The following C16orf89 variants were observed in gnomAD, a reference collection of about 807,000 sequenced individuals.
C16orf89 encodes UPF0764 protein C16orf89.
C16orf89 carries 57 observed loss-of-function variants against 41.5 expected under a neutral mutation model. The observed-to-expected ratio is 1.38, with a 90% confidence interval of 1.11 to 1.71. The LOEUF is 1.71. Among genes scored for constraint, C16orf89 ranks in the 40% most tolerant of loss-of-function variants. The probability of loss-of-function intolerance (pLI) is 0.00; values close to 1 mark genes in which losing one functional copy is unlikely to be tolerated. For synonymous variants in C16orf89, 223 were observed against 190.6 expected, an observed-to-expected ratio of 1.17 and a Z score of -1.40; for missense variants, 575 against 445.9, an observed-to-expected ratio of 1.29 and a Z score of -2.61.
intron 3 of C16orf89, 88 bp from the exon 4 acceptor site, chr16:5,058,698 TC>T: frequency 1.9e-6 from 2 of 1,071,218 alleles, no homozygotes; most frequent in Non-Finnish European, 1.3e-6. Context: ...TTGTTGGAAC[TC>T]CCAGTAGATT....
Position 5,055,310 on chromosome 16 carries a change from C to A in C16orf89, c.804G>T (p.Lys268Asn). 6.2e-7 allele frequency: 1 copy of A among 1,613,518 alleles called. No homozygotes were observed. The highest frequency in any genetic ancestry group is 8.5e-7 in the Non-Finnish European group (1 of 1,179,762). ...CGMGGFSDFY[K>N]LRWLEAILSW... ...TGAGAATGGCCTCCAGCCACCGGAG[C>A]TTGTAGAAGTCGGAGAAGCCGCCCA... Residue 268 changes from lysine to asparagine, a missense_variant, in exon 6 of 8, where the codon AAG becomes AAT. Lys to Asn is a moderately conservative substitution (Grantham distance 94). Coordinates refer to ENST00000472572, the MANE Select transcript of C16orf89 (RefSeq NM_001098514.3).
intron 4 of C16orf89, among the ~76,000 whole-genome samples, chr16:5,057,095 G>A (rs1207629527): frequency 1.3e-5 from 2 of 151,746 alleles, no homozygotes; most frequent in African/African-American, 4.8e-5. Flanking sequence ...AAAATTAGCT[G>A]GGCATAGTGG....
intron 3 of C16orf89, 36 bp downstream of exon 3, chr16:5,060,250 T>G (rs762791849): frequency 6.3e-7 from 1 of 1,575,126 alleles, no homozygotes; most frequent in South Asian, 1.2e-5. Flanking sequence ...CTAGTGCGTT[T>G]GGGTTTCCAG....
intron 7 of C16orf89, among the ~76,000 whole-genome samples, chr16:5,046,460 T>C (rs555714270): frequency 6.6e-6 from 1 of 151,850 alleles, no homozygotes; most frequent in Admixed American, 6.6e-5. Context: ...CAAGCAGATC[T>C]CCTGTCTCAG....
chr16:5,060,495 C>T (rs955253088), intron 2 of C16orf89, 59 bp from the exon 3 acceptor site: 12 of 1,520,286 alleles, frequency 7.9e-6, no homozygotes, highest in Admixed American at 1.8e-5. Flanking sequence ...AGCAGTGGGC[C>T]ACCCTGGTGT....
Position 5,044,448 on chromosome 16 carries a change from G to C in C16orf89, c.986C>G (p.Ala329Gly), listed in dbSNP as rs966283326. ...TAGGAAGCCACCCAGGGCTGCCACT[G>C]CTGTGGCTGTGTTGTGGGAGGAGCA... The part of the protein sequence containing the change: ...DGCSSHNTAT[A>G]VAALGGFLYI... Residue 329 changes from alanine to glycine, a missense_variant, in exon 8 of 8, where the codon GCA becomes GGA. By Grantham distance (60) the Ala-to-Gly change is moderately conservative. Transcript: ENST00000472572. 5 of 1,612,938 alleles carry C rather than the reference G, an allele frequency of 3.1e-6. No individual in the cohort carries two copies. Among genetic ancestry groups the C allele is most frequent in the Non-Finnish European group, 4.2e-6 (5 of 1,179,520 alleles).
intron 7 of C16orf89, among the ~76,000 whole-genome samples, chr16:5,046,189 C>G (rs372638214): frequency 6.6e-6 from 1 of 152,126 alleles, no homozygotes; most frequent in African/African-American, 2.4e-5. Flanking sequence ...CTCCTGTCCA[C>G]CTGTAGGTGG....
intron 1 of C16orf89, among the ~76,000 whole-genome samples, chr16:5,064,375 C>T (rs552400325): frequency 7.9e-5 from 12 of 152,168 alleles, no homozygotes; most frequent in Non-Finnish European, 1.5e-4. Context: ...ATGCTCAATG[C>T]TTTGATAGAT....
intron 3 of C16orf89, among the ~76,000 whole-genome samples, chr16:5,059,742 G>C (rs1956577752): frequency 6.6e-6 from 1 of 152,146 alleles, no homozygotes; most frequent in Admixed American, 6.5e-5. Flanking sequence ...TGGGGATGGG[G>C]ACAGGCTCAT....
intron 1 of C16orf89, among the ~76,000 whole-genome samples, chr16:5,065,124 G>A (rs557920711): frequency 7.9e-5 from 12 of 152,158 alleles, no homozygotes; most frequent in South Asian, 2.1e-4. Flanking sequence ...GTGTGTGTGC[G>A]TGCGTGCATG....
At position 5,054,680 on chromosome 16, in the gene C16orf89, C is replaced by G. The variant is rs570523417; in HGVS notation, c.868+566G>C. Reference sequence around the variant, plus strand: ...ACCCAAGTCTCATCTTGAATTGTAGCTCCCATAATTTCCATGTGCTGTGGG... The same window carrying G: ...ACCCAAGTCTCATCTTGAATTGTAGGTCCCATAATTTCCATGTGCTGTGGG... On this transcript the variant is annotated intron_variant, in intron 6 of 7. Coordinates refer to ENST00000472572, the MANE Select transcript of C16orf89 (RefSeq NM_001098514.3). 3.9e-5 allele frequency among the ~76,000 whole-genome samples: 6 copies of G among 152,268 alleles called. No homozygotes were observed. In the East Asian group the frequency reaches 1.2e-3, roughly 29 times the overall value.
intron 7 of C16orf89, among the ~76,000 whole-genome samples, chr16:5,045,159 G>A (rs1254186861): frequency 6.6e-6 from 1 of 152,206 alleles, no homozygotes; most frequent in Non-Finnish European, 1.5e-5. Flanking sequence ...CTGCTTCCCT[G>A]ACTTACGTAC....
chr16:5,052,164 T>C (rs1434981085), intron 6 of C16orf89, among the ~76,000 whole-genome samples: 3 of 143,286 alleles, frequency 2.1e-5, no homozygotes, highest in African/African-American at 7.7e-5. Context: ...TGCATAGACA[T>C]CTCTCAAAAG....
chr16:5,060,945 CTTTTTTTTT>C (rs386384101), intron 2 of C16orf89, among the ~76,000 whole-genome samples: 1 of 93,514 alleles, frequency 1.1e-5, no homozygotes, highest in East Asian at 4.7e-4. Context: ...TATGATCAGC[CTTTTTTTTT>C]TTTTTTTTTT....
chr16:5,057,566 T>C (rs1286625206), intron 4 of C16orf89, among the ~76,000 whole-genome samples: 2 of 151,488 alleles, frequency 1.3e-5, no homozygotes, highest in South Asian at 2.1e-4. Flanking sequence ...TATATATATA[T>C]AGTGGCATAT....
At chr16:5,054,699 C>G (rs1261437450) in intron 6 of C16orf89, among the ~76,000 whole-genome samples, 1 of 152,148 alleles carries the variant, frequency 6.6e-6, no homozygotes, top group African/African-American at 2.4e-5. Context: ...TTTCCATGTG[C>G]TGTGGGAGGG....
At chr16:5,060,519 T>G in intron 2 of C16orf89, 83 bp from the exon 3 acceptor site, 1 of 1,400,680 alleles carries the variant, frequency 7.1e-7, no homozygotes, top group Non-Finnish European at 9.7e-7. Flanking sequence ...CACCTCCTCC[T>G]GCAGCCCTGC....
intron 7 of C16orf89, 195 bp from the exon 8 acceptor site, chr16:5,044,673 C>G: frequency 8.6e-7 from 1 of 1,162,820 alleles, no homozygotes; most frequent in Non-Finnish European, 1.2e-6. Flanking sequence ...GAAACCCTGT[C>G]TCTACTAAAA....
Position 5,055,334 on chromosome 16 carries a change from C to G in C16orf89, c.780G>C (p.Met260Ile). 1 of 1,611,734 alleles carries G rather than the reference C, an allele frequency of 6.2e-7. No individual in the cohort carries two copies. The highest frequency in any genetic ancestry group is 8.5e-7 in the Non-Finnish European group (1 of 1,178,818). Residue 260 changes from methionine (M) to isoleucine (I), a missense_variant, in exon 6 of 8, where the codon ATG becomes ATC. By Grantham distance (10) the Met-to-Ile change is conservative. Transcript: ENST00000472572. ...GCTTGTAGAAGTCGGAGAAGCCGCC[C>G]ATTCCACAGAACATGACTGGAAGTA... is the stretch of plus-strand genomic sequence containing the variant. ...IFMENIMFCG[M>I]GGFSDFYKLR...
Sources: gnomAD v4.1 joint callset for allele counts (sites outside exome capture counted in the v4.1 genomes callset) on GRCh38, gnomAD v4.1.1 for gene constraint, MANE v1.5 for transcripts, NCBI Gene and HGNC (gene_info 2026-07-23, HGNC 2026-07-21) for gene names.